Variants in NRDE2 observed in about 807,000 individuals in gnomAD.
NRDE2 encodes nuclear exosome regulator NRDE2.
A neutral mutation model predicts 124.2 loss-of-function variants in NRDE2; 76 were observed. That is an observed-to-expected ratio of 0.61 (90% CI 0.51 to 0.74). The LOEUF (loss-of-function observed/expected upper bound fraction) is 0.74. Among genes scored for constraint, NRDE2 ranks in the 30% least tolerant of loss-of-function variants. NRDE2 has a pLI of 0.00. For synonymous variants in NRDE2, 489 were observed against 528.1 expected (o/e 0.93, Z 1.01); for missense variants, 1,314 against 1,417.3 (o/e 0.93, Z 1.17).
intron 1 of NRDE2, among the ~76,000 whole-genome samples, chr14:90,324,666 C>A (rs1268291343): frequency 6.9e-6 from 1 of 145,918 alleles, no homozygotes. Context: ...GAGCAAGGCT[C>A]CGTCTCCAAA....
intron 7 of NRDE2, among the ~76,000 whole-genome samples, chr14:90,298,990 G>A (rs986735364): frequency 3.9e-5 from 6 of 152,294 alleles, no homozygotes; most frequent in Admixed American, 1.3e-4. Flanking sequence ...CTCAATAAAC[G>A]CTTGTTGGCA....
At chr14:90,288,149 G>A in intron 11 of NRDE2, 68 bp downstream of exon 11, 4 of 1,459,916 alleles carry the variant, frequency 2.7e-6, no homozygotes, top group South Asian at 2.6e-5. Context: ...ACCCAGCAAG[G>A]TCAGGGCAAC....
chr14:90,288,631 T>C lies in NRDE2; in HGVS notation c.2744A>G (p.Tyr915Cys). 6 of 1,614,120 alleles carry C rather than the reference T, an allele frequency of 3.7e-6. No individual in the cohort carries two copies. Among genetic ancestry groups the C allele is most frequent in the Non-Finnish European group, 5.1e-6 (6 of 1,180,030 alleles). ...AGCAGCATCAATCCCTATGGTCAAA[T>C]ACTGGAAGAGCATGAAGCATTTAGC... ...SLAKCFMLFQYLTIGIDAAVQ... is the reference protein window; with the variant it reads ...SLAKCFMLFQCLTIGIDAAVQ... Residue 915 changes from tyrosine (Y) to cysteine (C), a missense_variant, in exon 11 of 14, where the codon TAT becomes TGT. Coordinates refer to ENST00000354366, the MANE Select transcript of NRDE2 (RefSeq NM_017970.4).
At position 90,290,375 on chromosome 14, in the gene NRDE2, C is replaced by T. The variant is rs756890311; in HGVS notation, c.2075G>A (p.Arg692His). Residue 692 changes from arginine to histidine, a missense_variant, in exon 10 of 14, where the codon CGC becomes CAC. By Grantham distance (29) the Arg-to-His change is conservative. Transcript: ENST00000354366. ...PLFSGASCVG[R>H]MDRLGYPRWT... ...GCGAGGATAGCCCAACCTATCCATG[C>T]GGCCAACACAGCTAGCCCCAGAAAA... 7 of 1,613,956 alleles carry T rather than the reference C, an allele frequency of 4.3e-6. No homozygotes were observed. The highest frequency in any genetic ancestry group is 2.2e-5 in the East Asian group (1 of 44,890).
In NRDE2 at chr14:90,316,630, C is replaced by T. The variant is rs1311169894; in HGVS notation, c.355G>A (p.Asp119Asn). The T allele has an allele frequency of 1.4e-5, 22 of 1,614,054 alleles. No individual in the cohort carries two copies. The highest frequency in any genetic ancestry group is 1.8e-5 in the Non-Finnish European group (21 of 1,180,052). ...CCTCCAACGCCTCTGGAAGGTTTGTCCTTTTCAGAATCGGTGTCTGTCTCA... is the reference window on the plus strand; with the variant it reads ...CCTCCAACGCCTCTGGAAGGTTTGTTCTTTTCAGAATCGGTGTCTGTCTCA... ...RSETDTDSEK[D>N]KPSRGVGGSK... Residue 119 changes from aspartate to asparagine, a missense_variant, in exon 3 of 14, where the codon GAC becomes AAC. By Grantham distance (23) the Asp-to-Asn change is conservative. Transcript: ENST00000354366.
Position 90,301,297 on chromosome 14 carries a change from A to G in NRDE2, c.1487T>C (p.Met496Thr), listed in dbSNP as rs1267237611. 1.2e-6 allele frequency: 2 copies of G among 1,613,842 alleles called. No homozygotes were observed. The highest frequency in any genetic ancestry group is 1.7e-5 in the Admixed American group (1 of 60,022). Reference sequence around the variant, plus strand: ...GGGTTTGAAGAAGGTGAAGTCCACCATGGCCTGGAACAATGAGATGGCCTT... The same window carrying G: ...GGGTTTGAAGAAGGTGAAGTCCACCGTGGCCTGGAACAATGAGATGGCCTT... ...SEKAISLFQA[M>T]VDFTFFKPDS... is the part of the protein sequence containing the mutation. The change falls in exon 7 of 14, where the codon ATG becomes ACG. Residue 496 changes from methionine to threonine, a missense_variant. Coordinates refer to ENST00000354366, the MANE Select transcript of NRDE2 (RefSeq NM_017970.4).
At chr14:90,313,172 G>C (rs1270718408) in intron 3 of NRDE2, among the ~76,000 whole-genome samples, 3 of 142,110 alleles carry the variant, frequency 2.1e-5, no homozygotes, top group African/African-American at 7.9e-5. Flanking sequence ...TGTCACCCAG[G>C]CTGGAGTGCA....
intron 4 of NRDE2, among the ~76,000 whole-genome samples, chr14:90,309,346 G>A (rs150414287): frequency 1.8e-4 from 27 of 151,386 alleles, no homozygotes; most frequent in African/African-American, 4.8e-4. Flanking sequence ...GGTAGCACTC[G>A]CCTGTAGTCC....
At position 90,316,729 on chromosome 14, in the gene NRDE2, T is replaced by C; in HGVS notation, c.256A>G (p.Lys86Glu). The part of the protein sequence containing the change: ...KQTSRKKKKE[K>E]KKKRKHQHHK... ...TGCTGATGCTTCCTTTTTTTCTTTT[T>C]CTCTTTCTTCTTTTTTCTACTTGTT... is the stretch of plus-strand genomic sequence containing the variant. The change falls in exon 3 of 14, where the codon AAA becomes GAA. Residue 86 changes from lysine (K) to glutamate (E), a missense_variant. Physicochemically the swap from Lys to Glu is moderately conservative, Grantham distance 56. Transcript: ENST00000354366. The C allele has an allele frequency of 6.2e-7, 1 of 1,613,690 alleles. No homozygotes were observed. The highest frequency in any genetic ancestry group is 2.2e-5 in the East Asian group (1 of 44,892).
chr14:90,327,199 A>T (rs1181676179), intron 1 of NRDE2, among the ~76,000 whole-genome samples: 3 of 152,226 alleles, frequency 2.0e-5, no homozygotes, highest in Non-Finnish European at 4.4e-5. Context: ...GAGAAAATGT[A>T]AGTGATGATT....
At chr14:90,316,136 G>A (rs768651365) in intron 3 of NRDE2, among the ~76,000 whole-genome samples, 11 of 152,110 alleles carry the variant, frequency 7.2e-5, no homozygotes, top group Non-Finnish European at 1.5e-4. Context: ...TAAGTGCTAC[G>A]TTAATCTTAA....
At chr14:90,329,360 C>T (rs1030831944) in intron 1 of NRDE2, among the ~76,000 whole-genome samples, 3 of 152,072 alleles carry the variant, frequency 2.0e-5, no homozygotes, top group South Asian at 2.1e-4. Context: ...TATACACTTC[C>T]CCCATTTTAT....
At chr14:90,327,975 C>T (rs1341365825) in intron 1 of NRDE2, among the ~76,000 whole-genome samples, 1 of 152,094 alleles carries the variant, frequency 6.6e-6, no homozygotes, top group African/African-American at 2.4e-5. Context: ...AACCCCCTAT[C>T]TACTAAAAAT....
intron 4 of NRDE2, among the ~76,000 whole-genome samples, chr14:90,307,791 T>G (rs909461895): frequency 3.3e-5 from 5 of 152,246 alleles, no homozygotes; most frequent in African/African-American, 1.2e-4. Context: ...TTACCCAGGA[T>G]GCAATGATGC....
chr14:90,278,283 C>T lies in NRDE2; in HGVS notation c.*53G>A. On this transcript the variant is annotated 3_prime_UTR_variant, in exon 14 of 14. Coordinates refer to ENST00000354366, the MANE Select transcript of NRDE2 (RefSeq NM_017970.4). ...CGTTCTCTGCTCGCGCCTCCTAGCTCCGCAGGGTGGGCAACTTGGCCTCGC... is the reference window on the plus strand; with the variant it reads ...CGTTCTCTGCTCGCGCCTCCTAGCTTCGCAGGGTGGGCAACTTGGCCTCGC... 1 of 1,611,738 alleles carries T rather than the reference C, an allele frequency of 6.2e-7. No individual in the cohort carries two copies. The highest frequency in any genetic ancestry group is 8.5e-7 in the Non-Finnish European group (1 of 1,178,300).
At chr14:90,325,689 C>T (rs1372775209) in intron 1 of NRDE2, among the ~76,000 whole-genome samples, 1 of 152,134 alleles carries the variant, frequency 6.6e-6, no homozygotes, top group African/African-American at 2.4e-5. Flanking sequence ...CCACACCTGG[C>T]TAGTTTTTGT....
At chr14:90,324,962 C>G (rs1181235014) in intron 1 of NRDE2, among the ~76,000 whole-genome samples, 1 of 151,964 alleles carries the variant, frequency 6.6e-6, no homozygotes, top group East Asian at 1.9e-4. Context: ...GGACTAACGG[C>G]GGGGACGCTA....
intron 8 of NRDE2, among the ~76,000 whole-genome samples, chr14:90,297,168 T>C (rs1201036061): frequency 6.7e-6 from 1 of 150,260 alleles, no homozygotes; most frequent in Non-Finnish European, 1.5e-5. Flanking sequence ...AAAAGAAAAG[T>C]AGCTAGTCTG....
intron 3 of NRDE2, among the ~76,000 whole-genome samples, chr14:90,316,291 C>T (rs761954836): frequency 2.0e-5 from 3 of 152,136 alleles, no homozygotes; most frequent in African/African-American, 4.8e-5. Flanking sequence ...TATGTGATAA[C>T]GGCACTGACT....
Sources: gnomAD v4.1 joint callset for allele counts (sites outside exome capture counted in the v4.1 genomes callset) on GRCh38, gnomAD v4.1.1 for gene constraint, MANE v1.5 for transcripts, NCBI Gene and HGNC (gene_info 2026-07-23, HGNC 2026-07-21) for gene names.